The following SPTBN4 variants were observed in gnomAD, a reference collection of about 807,000 sequenced individuals.
The protein encoded by SPTBN4 is spectrin beta, non-erythrocytic 4.
Under a neutral mutation model 277.8 loss-of-function variants are expected in SPTBN4, and 96 were observed. The observed-to-expected ratio is 0.35, with a 90% CI of 0.29 to 0.41. SPTBN4 has a LOEUF of 0.41. Among genes scored for constraint, SPTBN4 ranks in the 10% least tolerant of loss-of-function variants. The probability of loss-of-function intolerance (pLI) is 1.00; values close to 1 mark genes in which losing one functional copy is unlikely to be tolerated. For missense variants in SPTBN4, 3,006 were observed against 3,595.7 expected (o/e 0.84, Z 4.19); for synonymous variants, 1,481 against 1,580.3 (o/e 0.94, Z 1.49).
In SPTBN4 at chr19:40,568,231, G is replaced by T. The variant is rs755699805; in HGVS notation, c.6905G>T (p.Arg2302Leu). The change falls in exon 31 of 36, where the codon CGG (arginine) becomes CTG (leucine). Residue 2302 changes from arginine (R) to leucine (L), a missense_variant. By Grantham distance (102) the Arg-to-Leu change is moderately radical (BLOSUM62 -2). Transcript: ENST00000598249. The part of the protein sequence containing the change: ...RRERRERRLE[R>L]QESSEQEMPI... ...GAGCGGCGTGAGCGGCGCTTGGAGC[G>T]GCAGGAGTCCAGCGAACAGGAGATG... 6.2e-7 allele frequency: 1 copy of T among 1,602,420 alleles called. No individual in the cohort carries two copies.
At chr19:40,559,275 A>G (rs1162242642) in intron 26 of SPTBN4, among the ~76,000 whole-genome samples, 1 of 152,124 alleles carries the variant, frequency 6.6e-6, no homozygotes, top group African/African-American at 2.4e-5. Context: ...AATCAGGCTG[A>G]GAGATTCATA....
In SPTBN4 at chr19:40,513,096, G is replaced by T; in HGVS notation, c.2307G>T (p.Leu769=). The T allele has an allele frequency of 7.0e-7, 1 of 1,426,280 alleles. No individual in the cohort carries two copies. Among genetic ancestry groups the T allele is most frequent in the Non-Finnish European group, 9.1e-7 (1 of 1,096,912 alleles). The allele number at this position is 1,426,280 out of a possible 1,614,324, so 88.4% of individuals were successfully genotyped here. A position where few individuals can be genotyped will look rare whatever the true frequency, so the allele number is the denominator to read the frequency against. The change falls in exon 14 of 36, where the codon CTG becomes CTT. Residue 769 remains leucine, a synonymous_variant. Coordinates refer to ENST00000598249, the MANE Select transcript of SPTBN4 (RefSeq NM_020971.3). ...CGGCGGCGCGGCGAGAGCGGCGGCT[G>T]CAGGAGGCGCGGGCGCTGCACCAGT... The part of the protein sequence containing the change: ...EEAAARRERR[L]QEARALHQFG...
In SPTBN4 at chr19:40,472,962, C is replaced by A. The variant is rs4306639; in HGVS notation, c.169+172C>A. On this transcript the variant is annotated intron_variant, in intron 2 of 35. Transcript: ENST00000598249. ...TGTACCATATAATAATCACTAGTCT[C>A]TGTGACTTTTGAATGCTAGAAATGT... is the stretch of plus-strand genomic sequence containing the variant. Among the ~76,000 whole-genome samples, 28,030 of 152,164 alleles carry A rather than the reference C, an allele frequency of 0.18. 3,034 individuals carry two copies. The highest frequency in any genetic ancestry group is 0.29 in the African/African-American group (12,040 of 41,482).
At position 40,560,540 on chromosome 19, in the gene SPTBN4, G is replaced by C; in HGVS notation, c.5915+137G>C. ...GTGGCGCCTCTGTGTGCTAGGCACTGTTCTAGGTGCTTCGTGTGTATTCAG... is the reference window on the plus strand; with the variant it reads ...GTGGCGCCTCTGTGTGCTAGGCACTCTTCTAGGTGCTTCGTGTGTATTCAG... On this transcript the variant is annotated intron_variant, in intron 27 of 35. Coordinates refer to ENST00000598249, the MANE Select transcript of SPTBN4 (RefSeq NM_020971.3). The surrounding 1 kb of genome is among the most constrained non-coding windows in gnomAD (Gnocchi z 5.2). The C allele has an allele frequency of 6.5e-7, 1 of 1,547,016 alleles. No homozygotes were observed. Among genetic ancestry groups the C allele is most frequent in the African/African-American group, 1.4e-5 (1 of 73,576 alleles).
At chr19:40,569,294 G>A (rs942494637) in intron 31 of SPTBN4, among the ~76,000 whole-genome samples, 6 of 151,878 alleles carry the variant, frequency 4.0e-5, no homozygotes, top group African/African-American at 7.3e-5. Flanking sequence ...GCATGGTGGC[G>A]CACGCCTGTA....
At chr19:40,534,537 G>C (rs2080713686) in intron 20 of SPTBN4, 194 bp downstream of exon 20, 1 of 683,560 alleles carries the variant, frequency 1.5e-6, no homozygotes, top group Admixed American at 3.0e-5. Flanking sequence ...CACTCCCTAA[G>C]GTATGGAGTA....
At chr19:40,501,462 A>T (rs2080262341) in intron 7 of SPTBN4, among the ~76,000 whole-genome samples, 1 of 151,960 alleles carries the variant, frequency 6.6e-6, no homozygotes, top group Non-Finnish European at 1.5e-5. Flanking sequence ...TGAGGTCAGC[A>T]GTTCGAGACC....
At chr19:40,550,403 C>A in intron 22 of SPTBN4, 76 bp downstream of exon 22, 1 of 1,381,670 alleles carries the variant, frequency 7.2e-7, no homozygotes, top group Non-Finnish European at 1.0e-6. Context: ...GTGGTTAAAG[C>A]CAAAACAATG....
rs758083797 is a variant in SPTBN4 at position 40,487,678 on chromosome 19, A to C, written c.170-19A>C. ...TGAAGGTGGAAGCGCCTGGGGGCTC[A>C]TCAGGGCCTCTCCTCCAGATGAGCG... On this transcript the variant is annotated intron_variant, in intron 2 of 35. Transcript: ENST00000598249. The C allele has an allele frequency of 1.2e-6, 2 of 1,602,842 alleles. No homozygotes were observed. The highest frequency in any genetic ancestry group is 1.7e-6 in the Non-Finnish European group (2 of 1,174,574).
Position 40,506,382 on chromosome 19 carries a change from G to T in SPTBN4, c.1812G>T (p.Leu604=). ...CCGCTGCCCTGCGCTTCTCCCAGCT[G>T]CAGGGTGAGTCTTGGGGCTGGGGCT... is the stretch of plus-strand genomic sequence containing the variant. ...LNAAALRFSQ[L]QGYQPCDPQV... The change falls in exon 13 of 36, where the codon CTG becomes CTT. Residue 604 remains leucine, a synonymous_variant. Coordinates refer to ENST00000598249, the MANE Select transcript of SPTBN4 (RefSeq NM_020971.3). The T allele has an allele frequency of 6.2e-7, 1 of 1,611,548 alleles. No individual in the cohort carries two copies. Among genetic ancestry groups the T allele is most frequent in the African/African-American group, 1.3e-5 (1 of 75,054 alleles).
At chr19:40,562,641 C>G (rs887836092) in intron 27 of SPTBN4, among the ~76,000 whole-genome samples, 1 of 151,330 alleles carries the variant, frequency 6.6e-6, no homozygotes, top group South Asian at 2.1e-4. Flanking sequence ...TCGAGAGCAG[C>G]CTGACCAACA....
chr19:40,471,961 A>G (rs1161687710), intron 1 of SPTBN4, among the ~76,000 whole-genome samples: 3 of 129,534 alleles, frequency 2.3e-5, no homozygotes, highest in Non-Finnish European at 4.7e-5. Context: ...CCCAGGCTGG[A>G]GTGCAATGGC....
Position 40,515,507 on chromosome 19 carries a change from A to G in SPTBN4, c.2903+59A>G. 6.8e-7 allele frequency: 1 copy of G among 1,469,228 alleles called. No homozygotes were observed. The highest frequency in any genetic ancestry group is 9.0e-7 in the Non-Finnish European group (1 of 1,105,370). The allele number at this position is 1,469,228 out of a possible 1,614,324, so 91.0% of individuals were successfully genotyped here. On this transcript the variant is annotated intron_variant, in intron 15 of 35. Transcript: ENST00000598249. The surrounding 1 kb of genome is among the most constrained non-coding windows in gnomAD (Gnocchi z 4.1). ...CCTTCCCTTCCACACTCACACAGCC[A>G]TGGACAGCAAGATGTGCAATCTCAA...
chr19:40,485,301 C>A (rs1235327961), intron 2 of SPTBN4, among the ~76,000 whole-genome samples: 3 of 152,134 alleles, frequency 2.0e-5, no homozygotes, highest in Non-Finnish European at 2.9e-5. Context: ...AGATGTGCGC[C>A]ACTAAGTCCT....
intron 11 of SPTBN4, 139 bp downstream of exon 11, chr19:40,503,072 A>T (rs1193994551): frequency 1.8e-6 from 2 of 1,139,308 alleles, no homozygotes; most frequent in Non-Finnish European, 2.4e-6. Flanking sequence ...GAGGATGGGG[A>T]TGGGAGACTT....
rs767374778 is a variant in SPTBN4, at chr19:40,557,304, G to A, written c.5571G>A (p.Leu1857=). Residue 1857 remains leucine, a synonymous_variant, in exon 26 of 36, where the codon CTG becomes CTA. Coordinates refer to ENST00000598249, the MANE Select transcript of SPTBN4 (RefSeq NM_020971.3). ...QGQIEEKRRR[L]PRLTTPPEPR... The stretch of plus-strand genomic sequence containing the variant: ...AGATTGAGGAGAAGCGGAGGCGGCT[G>A]CCCCGCCTGACCACCCCGCCTGAGC... 1 of 1,613,282 alleles carries A rather than the reference G, an allele frequency of 6.2e-7. No homozygotes were observed. The highest frequency in any genetic ancestry group is 1.1e-5 in the South Asian group (1 of 90,994).
chr19:40,575,260 A>G (rs1320921290), intron 35 of SPTBN4, 151 bp from the exon 36 acceptor site: 16 of 929,658 alleles, frequency 1.7e-5, no homozygotes, highest in Non-Finnish European at 2.4e-5. Context: ...AGAGCCTGGC[A>G]CATATTGCTA....
Position 40,566,204 on chromosome 19 carries a change from G to C in SPTBN4, c.6181G>C (p.Asp2061His). Residue 2061 changes from aspartate to histidine, a missense_variant, in exon 30 of 36, where the codon GAT (aspartate) becomes CAT (histidine). This residue lies in a region of SPTBN4 where 425 missense variants were observed against 594.7 expected (regional missense o/e 0.71). Coordinates refer to ENST00000598249, the MANE Select transcript of SPTBN4 (RefSeq NM_020971.3). ...GTTTGCCCAGGAGGCGGTGGTGGCT[G>C]ATGCCTGGCTGACAGCCCAGGAGCC... ...HQFAQEAVVA[D>H]AWLTAQEPLL... 4 of 1,547,036 alleles carry C rather than the reference G, an allele frequency of 2.6e-6. No homozygotes were observed. Among genetic ancestry groups the C allele is most frequent in the Non-Finnish European group, 3.5e-6 (4 of 1,144,190 alleles).
intron 20 of SPTBN4, among the ~76,000 whole-genome samples, chr19:40,544,127 C>CTTTTTTTTTTTTTTTTTTT (rs10618096): frequency 7.8e-6 from 1 of 128,912 alleles, no homozygotes; most frequent in African/African-American, 2.9e-5. Context: ...TCTTCTTCCT[C>CTTTTTTTTTTTTTTTTTTT]TTTTTTTTTT....
Sources: gnomAD v4.1 joint callset for allele counts (sites outside exome capture counted in the v4.1 genomes callset) on GRCh38, gnomAD v4.1.1 for gene constraint, gnomAD v4.1.1 regional missense constraint, Gnocchi (gnomAD v3.1) non-coding constraint, MANE v1.5 for transcripts, NCBI Gene and HGNC (gene_info 2026-07-23, HGNC 2026-07-21) for gene names.